GFOD1: variants seen among roughly 807,000 people sequenced by gnomAD.
GFOD1 encodes the protein glucose-fructose oxidoreductase domain-containing protein 1.
GFOD1 carries 9 observed loss-of-function variants against 25.4 expected under a neutral mutation model. The observed-to-expected ratio is 0.35, with a 90% confidence interval of 0.21 to 0.62. The LOEUF (loss-of-function observed/expected upper bound fraction) is 0.62, where lower values mean the gene tolerates loss of function less well. Ranked by LOEUF, GFOD1 falls within the 20% of genes least tolerant of loss-of-function variation. The pLI is 0.72. For synonymous variants in GFOD1, 253 were observed against 245.6 expected, an observed-to-expected ratio of 1.03 and a Z score of -0.28; for missense variants, 403 against 556.9, an observed-to-expected ratio of 0.72 and a Z score of 2.78.
intron 1 of GFOD1, among the ~76,000 whole-genome samples, chr6:13,461,491 C>T (rs538155611): frequency 6.6e-6 from 1 of 152,186 alleles, no homozygotes; most frequent in East Asian, 1.9e-4. Context: ...TCACCATGGC[C>T]TCAGTTGGCT....
intron 1 of GFOD1, among the ~76,000 whole-genome samples, chr6:13,446,553 AC>A (rs1332220341): frequency 6.6e-6 from 1 of 152,182 alleles, no homozygotes; most frequent in Non-Finnish European, 1.5e-5. Context: ...GCCAAGGGAT[AC>A]ACCAGGCCCA....
intron 1 of GFOD1, among the ~76,000 whole-genome samples, chr6:13,483,248 C>T (rs1758792576): frequency 1.3e-5 from 2 of 152,116 alleles, no homozygotes; most frequent in South Asian, 2.1e-4. Context: ...AGCGGTAACA[C>T]TTGGGCTGAG....
intron 1 of GFOD1, among the ~76,000 whole-genome samples, chr6:13,437,893 C>T (rs1237922106): frequency 6.6e-6 from 1 of 151,904 alleles, no homozygotes; most frequent in East Asian, 1.9e-4. Flanking sequence ...CTGTGCTGGG[C>T]CCTGGGGTTA....
chr6:13,421,553 T>A (rs946295976), intron 1 of GFOD1, among the ~76,000 whole-genome samples: 1 of 151,276 alleles, frequency 6.6e-6, no homozygotes, highest in Non-Finnish European at 1.5e-5. Context: ...CATCCATATT[T>A]AAAAAAAAAC....
chr6:13,381,931 A>ATG (rs1227732593), intron 1 of GFOD1, among the ~76,000 whole-genome samples: 11 of 144,130 alleles, frequency 7.6e-5, no homozygotes, highest in Admixed American at 3.4e-4. Flanking sequence ...ACACACACAC[A>ATG]CACACACACA....
intron 1 of GFOD1, among the ~76,000 whole-genome samples, chr6:13,467,510 C>T (rs1758398033): frequency 6.6e-6 from 1 of 152,296 alleles, no homozygotes; most frequent in Non-Finnish European, 1.5e-5. Context: ...GGTTCTAAAA[C>T]TGCTAACCAT....
chr6:13,378,575 G>C, intron 1 of GFOD1, among the ~76,000 whole-genome samples: 1 of 152,152 alleles, frequency 6.6e-6, no homozygotes, highest in East Asian at 1.9e-4. Flanking sequence ...AGAGAGGATG[G>C]GGAAACCAGC....
chr6:13,462,856 C>T (rs1165201201), intron 1 of GFOD1, among the ~76,000 whole-genome samples: 2 of 152,200 alleles, frequency 1.3e-5, no homozygotes, highest in Non-Finnish European at 1.5e-5. Context: ...CATCTCCGTT[C>T]GTAACATTCT....
chr6:13,485,365 T>G (rs964673517), intron 1 of GFOD1, among the ~76,000 whole-genome samples: 8 of 152,264 alleles, frequency 5.3e-5, no homozygotes, highest in African/African-American at 1.9e-4. Context: ...CAAGACTACA[T>G]AACTTCCGGC....
At chr6:13,462,294 C>T (rs770605894) in intron 1 of GFOD1, among the ~76,000 whole-genome samples, 21 of 152,248 alleles carry the variant, frequency 1.4e-4, no homozygotes, top group Non-Finnish European at 2.2e-4. Context: ...AACCTTGGAC[C>T]GCTTCATTCT....
chr6:13,435,503 A>G (rs1757819911), intron 1 of GFOD1, among the ~76,000 whole-genome samples: 1 of 152,200 alleles, frequency 6.6e-6, no homozygotes, highest in Admixed American at 6.5e-5. Context: ...GTTAGCTCCA[A>G]AGAAACTATA....
chr6:13,423,282 A>G (rs1234455832), intron 1 of GFOD1, among the ~76,000 whole-genome samples: 4 of 143,446 alleles, frequency 2.8e-5, no homozygotes, highest in African/African-American at 6.0e-5. Flanking sequence ...TATTAAATGT[A>G]TTTTCAACTT....
At chr6:13,382,353 G>C (rs968505757) in intron 1 of GFOD1, among the ~76,000 whole-genome samples, 2 of 149,044 alleles carry the variant, frequency 1.3e-5, no homozygotes, top group Non-Finnish European at 3.0e-5. Context: ...ATCATGGGGG[G>C]GGGGGTTCTT....
chr6:13,412,970 G>A (rs1232308781), intron 1 of GFOD1, among the ~76,000 whole-genome samples: 1 of 152,224 alleles, frequency 6.6e-6, no homozygotes. Flanking sequence ...AGTCTTTCAA[G>A]TGGTCTCAGT....
At chr6:13,401,255 A>G (rs985870483) in intron 1 of GFOD1, among the ~76,000 whole-genome samples, 2 of 152,252 alleles carry the variant, frequency 1.3e-5, no homozygotes. Flanking sequence ...ATTGCCAGGC[A>G]TAAGGCGTGG....
chr6:13,451,275 G>T (rs940933034), intron 1 of GFOD1, among the ~76,000 whole-genome samples: 1 of 152,114 alleles, frequency 6.6e-6, no homozygotes, highest in Non-Finnish European at 1.5e-5. Flanking sequence ...ACATGGGAAG[G>T]GCTTTGACAT....
chr6:13,419,935 G>A (rs984816064), intron 1 of GFOD1, among the ~76,000 whole-genome samples: 5 of 152,140 alleles, frequency 3.3e-5, no homozygotes, highest in African/African-American at 9.7e-5. Context: ...CCTGTGCCCC[G>A]CCGGCCGGGC....
At chr6:13,453,550 C>T (rs1357119827) in intron 1 of GFOD1, among the ~76,000 whole-genome samples, 1 of 152,166 alleles carries the variant, frequency 6.6e-6, no homozygotes, top group Non-Finnish European at 1.5e-5. Context: ...TGGCAATGTC[C>T]TTATTCCTTT....
intron 1 of GFOD1, among the ~76,000 whole-genome samples, chr6:13,411,096 C>A (rs1414737620): frequency 2.0e-5 from 3 of 152,160 alleles, no homozygotes; most frequent in Admixed American, 6.5e-5. Context: ...CGTTATAGGA[C>A]AAATGAGACT....
Sources: allele counts gnomAD v4.1 joint callset (sites outside exome capture counted in the v4.1 genomes callset), GRCh38; gene constraint gnomAD v4.1.1; transcripts MANE v1.5; gene names NCBI Gene and HGNC (gene_info 2026-07-23, HGNC 2026-07-21).